GPHN: variants seen among roughly 807,000 people sequenced by gnomAD.
GPHN encodes gephyrin.
A neutral mutation model predicts 95.5 loss-of-function variants in GPHN; 17 were observed. That is an observed-to-expected ratio of 0.18 (90% CI 0.12 to 0.27). GPHN has a LOEUF of 0.27. Among genes scored for constraint, GPHN ranks in the 10% least tolerant of loss-of-function variants. The pLI is 1.00. For synonymous variants in GPHN, 320 were observed against 322.5 expected, an observed-to-expected ratio of 0.99 and a Z score of 0.08; for missense variants, 660 against 978.1, an observed-to-expected ratio of 0.67 and a Z score of 4.34.
intron 1 of GPHN, among the ~76,000 whole-genome samples, chr14:66,591,867 A>G (rs2140637492): frequency 6.6e-6 from 1 of 152,330 alleles, no homozygotes; most frequent in Admixed American, 6.5e-5. Context: ...AAGCAAAAAG[A>G]ACAAAGCTGG....
chr14:67,475,076 C>T, the GPHN span, among the ~76,000 whole-genome samples: 1 of 151,992 alleles, frequency 6.6e-6, no homozygotes, highest in Non-Finnish European at 1.5e-5. Context: ...CCATCATGCC[C>T]GGCTAATTTT....
intron 2 of GPHN, among the ~76,000 whole-genome samples, chr14:66,740,602 T>G (rs2072718309): frequency 6.6e-6 from 1 of 151,936 alleles, no homozygotes; most frequent in South Asian, 2.1e-4. Flanking sequence ...TACTTAGTGA[T>G]GTATTCTAGA....
At chr14:67,274,428 T>C in the GPHN span, among the ~76,000 whole-genome samples, 1 of 152,180 alleles carries the variant, frequency 6.6e-6, no homozygotes, top group Admixed American at 6.5e-5. Flanking sequence ...GATCAGATGA[T>C]TGTAGATGTG....
chr14:67,134,953 C>CTTCTTTTTTTTT (rs573340363), intron 17 of GPHN, among the ~76,000 whole-genome samples: 11 of 45,252 alleles, frequency 2.4e-4, no homozygotes, highest in Non-Finnish European at 4.2e-4. Flanking sequence ...TTTCTTTCTT[C>CTTCTTTTTTTTT]TTTTTTTTTT....
chr14:67,572,320 A>T, the GPHN span: 1 of 1,518,970 alleles, frequency 6.6e-7, no homozygotes, highest in Non-Finnish European at 8.8e-7. Flanking sequence ...AGCAGAATGC[A>T]GCAGAGGCTG....
At chr14:66,722,544 A>G (rs370999534) in intron 2 of GPHN, among the ~76,000 whole-genome samples, 1 of 152,118 alleles carries the variant, frequency 6.6e-6, no homozygotes, top group Non-Finnish European at 1.5e-5. Context: ...CCTGGGCTCA[A>G]GTGATCCTCC....
At chr14:67,521,023 T>A in the GPHN span, among the ~76,000 whole-genome samples, 1 of 152,248 alleles carries the variant, frequency 6.6e-6, no homozygotes, top group Admixed American at 6.5e-5. Context: ...GTGTGGTATC[T>A]CATCGTTGTT....
At chr14:67,233,383 C>T in the GPHN span, among the ~76,000 whole-genome samples, 1 of 152,296 alleles carries the variant, frequency 6.6e-6, no homozygotes, top group African/African-American at 2.4e-5. Context: ...TTCAGGCAAT[C>T]TGCCCACCTT....
At chr14:67,046,618 G>A (rs894724203) in intron 10 of GPHN, among the ~76,000 whole-genome samples, 2 of 152,086 alleles carry the variant, frequency 1.3e-5, no homozygotes, top group African/African-American at 4.8e-5. Context: ...GAAATCTCAG[G>A]AGAACTTCCA....
chr14:66,748,243 A>G (rs1484299504), intron 2 of GPHN, among the ~76,000 whole-genome samples: 1 of 152,032 alleles, frequency 6.6e-6, no homozygotes, highest in African/African-American at 2.4e-5. Flanking sequence ...TTATTAATAA[A>G]CTCATTTTTA....
At chr14:66,844,651 A>G (rs1455516114) in intron 4 of GPHN, among the ~76,000 whole-genome samples, 1 of 152,150 alleles carries the variant, frequency 6.6e-6, no homozygotes, top group Non-Finnish European at 1.5e-5. Context: ...AATATAGATA[A>G]AATTTGTCAG....
chr14:67,023,496 A>G (rs1432486733), intron 9 of GPHN, 137 bp from the exon 10 acceptor site: 2 of 631,166 alleles, frequency 3.2e-6, no homozygotes, highest in Non-Finnish European at 5.7e-6. Flanking sequence ...TAACATTTTT[A>G]CTAACATGTT....
At chr14:67,641,044 C>T in the GPHN span, among the ~76,000 whole-genome samples, 1 of 152,130 alleles carries the variant, frequency 6.6e-6, no homozygotes, top group Non-Finnish European at 1.5e-5. Flanking sequence ...AAAATAACTG[C>T]CTATCAGTAG....
chr14:67,594,736 G>A, the GPHN span, among the ~76,000 whole-genome samples: 2 of 151,684 alleles, frequency 1.3e-5, no homozygotes, highest in South Asian at 4.2e-4. Context: ...CCCATTATAA[G>A]ATGAAAATGC....
chr14:67,374,053 A>G, the GPHN span, among the ~76,000 whole-genome samples: 1 of 152,200 alleles, frequency 6.6e-6, no homozygotes, highest in South Asian at 2.1e-4. Context: ...ATTACCTGAT[A>G]ATAAAAATTT....
chr14:67,686,907 A>G, the GPHN span, among the ~76,000 whole-genome samples: 2 of 152,160 alleles, frequency 1.3e-5, no homozygotes, highest in Non-Finnish European at 2.9e-5. Context: ...TTGTGGACTG[A>G]CAGCTGCAGA....
intron 1 of GPHN, among the ~76,000 whole-genome samples, chr14:66,583,662 T>C (rs1288060400): frequency 2.6e-5 from 4 of 152,168 alleles, no homozygotes; most frequent in African/African-American, 9.7e-5. Flanking sequence ...CCATTGCTTG[T>C]TTTTGTCAGG....
the GPHN span, among the ~76,000 whole-genome samples, chr14:67,223,023 G>A: frequency 5.9e-5 from 7 of 118,198 alleles, no homozygotes; most frequent in South Asian, 2.9e-4. Flanking sequence ...TTTTTGAGAT[G>A]GGGTCTCCCT....
chr14:67,376,664 C>T, the GPHN span: 164 of 1,499,194 alleles, frequency 1.1e-4, no homozygotes, highest in Middle Eastern at 5.9e-4. Context: ...AGCATAGCAT[C>T]CATGTATAAA....
Sources: gnomAD v4.1 joint callset for allele counts (sites outside exome capture counted in the v4.1 genomes callset) on GRCh38, gnomAD v4.1.1 for gene constraint, MANE v1.5 for transcripts, NCBI Gene and HGNC (gene_info 2026-07-23, HGNC 2026-07-21) for gene names.